RNF150: variants seen among roughly 807,000 people sequenced by gnomAD.
The protein encoded by RNF150 is ring finger protein 150.
A neutral mutation model predicts 39.3 loss-of-function variants in RNF150; 24 were observed. The ratio of observed to expected loss-of-function variants is 0.61; its 90% CI spans 0.44 to 0.86. The LOEUF (loss-of-function observed/expected upper bound fraction) is 0.86. Among genes scored for constraint, RNF150 ranks in the 40% least tolerant of loss-of-function variants. The pLI, the probability that RNF150 is intolerant of heterozygous loss-of-function variation, is 0.00. For missense variants in RNF150, 502 were observed against 587.8 expected (o/e 0.85, Z 1.51); for synonymous variants, 255 against 227.3 (o/e 1.12, Z -1.10).
chr4:141,029,325 A>AT (rs1735837562), intron 1 of RNF150, among the ~76,000 whole-genome samples: 3 of 152,082 alleles, frequency 2.0e-5, no homozygotes, highest in Admixed American at 2.0e-4. Context: ...TATACCTTAT[A>AT]TTTTTTCAAG....
intron 1 of RNF150, among the ~76,000 whole-genome samples, chr4:141,052,456 A>ACCTC (rs1736813015): frequency 6.6e-6 from 1 of 152,048 alleles, no homozygotes; most frequent in African/African-American, 2.4e-5. Flanking sequence ...GCTCACTGCA[A>ACCTC]CCTCCACCTC....
intron 1 of RNF150, among the ~76,000 whole-genome samples, chr4:141,138,534 T>C (rs1727064479): frequency 6.6e-6 from 1 of 152,162 alleles, no homozygotes; most frequent in Non-Finnish European, 1.5e-5. Flanking sequence ...TTTTAATCAA[T>C]TTTCCTTGAA....
chr4:141,137,506 C>G (rs920306970), upstream of RNF150, among the ~76,000 whole-genome samples: 1 of 152,166 alleles, frequency 6.6e-6, no homozygotes, highest in African/African-American at 2.4e-5. Context: ...AAGAAAGACA[C>G]TACAGTTTGG....
intron 1 of RNF150, among the ~76,000 whole-genome samples, chr4:141,051,903 T>C (rs945242448): frequency 2.6e-5 from 4 of 152,152 alleles, no homozygotes; most frequent in African/African-American, 9.7e-5. Flanking sequence ...TTCATGCTGC[T>C]GATAAAGACA....
chr4:141,124,328 C>T (rs1449010559), intron 1 of RNF150, among the ~76,000 whole-genome samples: 7 of 152,176 alleles, frequency 4.6e-5, no homozygotes, highest in Admixed American at 4.6e-4. Flanking sequence ...TAACATGCAG[C>T]AGGGGTGTGC....
chr4:140,938,252 A>G (rs997207374), intron 4 of RNF150, among the ~76,000 whole-genome samples: 6 of 152,184 alleles, frequency 3.9e-5, no homozygotes, highest in Non-Finnish European at 8.8e-5. Context: ...ACTTGATGGT[A>G]ACGCTAAGTT....
At chr4:140,869,280 C>G (rs989077222) in intron 6 of RNF150, among the ~76,000 whole-genome samples, 1 of 152,060 alleles carries the variant, frequency 6.6e-6, no homozygotes, top group Non-Finnish European at 1.5e-5. Flanking sequence ...TAAGTGAAAA[C>G]AGAAATATTT....
At chr4:141,074,909 T>C (rs1737840863) in intron 1 of RNF150, among the ~76,000 whole-genome samples, 1 of 152,214 alleles carries the variant, frequency 6.6e-6, no homozygotes, top group South Asian at 2.1e-4. Flanking sequence ...CTAAATACCA[T>C]GTGAATGGAA....
At position 141,132,564 on chromosome 4, in the gene RNF150, G is replaced by A; in HGVS notation, c.245C>T (p.Pro82Leu). Residue 82 changes from proline (P) to leucine (L), a missense_variant, in exon 1 of 7, where the codon CCC becomes CTC. By Grantham distance (98) the Pro-to-Leu change is moderately conservative. Transcript: ENST00000515673. This position sits in a 1 kb window ranked among gnomAD's most constrained non-coding sequence, Gnocchi z 4.9. ...TECGRYGEHS[P>L]KQDARGEVVM... ...CACCTCCCCGCGGGCGTCCTGCTTG[G>A]GCGAGTGCTCTCCGTAGCGCCCGCA... 6.3e-7 allele frequency: 1 copy of A among 1,588,870 alleles called. No homozygotes were observed. The highest frequency in any genetic ancestry group is 1.1e-5 in the South Asian group (1 of 87,166).
intron 1 of RNF150, among the ~76,000 whole-genome samples, chr4:141,200,978 A>G (rs1413096700): frequency 6.6e-6 from 1 of 152,214 alleles, no homozygotes; most frequent in African/African-American, 2.4e-5. Flanking sequence ...GCAGAAACCC[A>G]ATCTCAACTA....
At chr4:141,083,019 T>C (rs905745014) in intron 1 of RNF150, among the ~76,000 whole-genome samples, 1 of 152,208 alleles carries the variant, frequency 6.6e-6, no homozygotes, top group Non-Finnish European at 1.5e-5. Flanking sequence ...TTTCTTTTTG[T>C]TTTCAAACCT....
At chr4:140,967,484 A>G (rs1733289212) in intron 2 of RNF150, 139 bp downstream of exon 2, 5 of 653,258 alleles carry the variant, frequency 7.7e-6, no homozygotes, top group Admixed American at 3.0e-5. Flanking sequence ...TATCTGAAAA[A>G]TGATACAGCA....
intron 6 of RNF150, among the ~76,000 whole-genome samples, chr4:140,881,534 C>T (rs541009806): frequency 6.6e-6 from 1 of 152,190 alleles, no homozygotes; most frequent in African/African-American, 2.4e-5. Context: ...TGTCTCAAGA[C>T]GTTTTCCAGT....
chr4:141,149,061 T>G (rs1033592363), intron 1 of RNF150, among the ~76,000 whole-genome samples: 1 of 152,158 alleles, frequency 6.6e-6, no homozygotes, highest in Admixed American at 6.6e-5. Context: ...AGACAAACAT[T>G]CATGTAGTCA....
chr4:141,195,107 TACAC>T (rs71584397), intron 1 of RNF150, among the ~76,000 whole-genome samples: 2 of 150,058 alleles, frequency 1.3e-5, no homozygotes, highest in African/African-American at 4.9e-5. Flanking sequence ...GATACATGAA[TACAC>T]ACACACACAC....
intron 1 of RNF150, among the ~76,000 whole-genome samples, chr4:141,038,615 T>C (rs1193800378): frequency 6.6e-6 from 1 of 151,738 alleles, no homozygotes; most frequent in Non-Finnish European, 1.5e-5. Flanking sequence ...TGGTTGAGTA[T>C]GGGAGGTCAA....
intron 1 of RNF150, among the ~76,000 whole-genome samples, chr4:141,010,410 G>C (rs530031973): frequency 2.6e-5 from 4 of 152,236 alleles, no homozygotes; most frequent in Admixed American, 2.6e-4. Flanking sequence ...TTATGCCAAA[G>C]GTTTTATTTA....
intron 1 of RNF150, among the ~76,000 whole-genome samples, chr4:141,162,929 G>A (rs1727539971): frequency 6.6e-6 from 1 of 152,146 alleles, no homozygotes; most frequent in Admixed American, 6.5e-5. Context: ...GTACCCTAGT[G>A]GCATCTGGAA....
chr4:140,964,487 A>T (rs1425510130), intron 2 of RNF150, among the ~76,000 whole-genome samples: 2 of 152,234 alleles, frequency 1.3e-5, no homozygotes, highest in East Asian at 3.9e-4. Context: ...CAAAATATAC[A>T]ACAATCCAAA....
Sources: allele counts gnomAD v4.1 joint callset (sites outside exome capture counted in the v4.1 genomes callset), GRCh38; gene constraint gnomAD v4.1.1; non-coding constraint Gnocchi (gnomAD v3.1); transcripts MANE v1.5; gene names NCBI Gene and HGNC (gene_info 2026-07-23, HGNC 2026-07-21).